Variants in SUPT3H observed in about 807,000 individuals in gnomAD.
SUPT3H encodes the protein transcription initiation protein SPT3 homolog.
In SUPT3H, 44 loss-of-function variants were observed where a neutral mutation model predicts 44.3. The observed-to-expected ratio is 0.99, with a 90% CI of 0.78 to 1.28. The LOEUF is 1.28. SUPT3H is among the 50% of genes most tolerant of loss of function. The pLI is 0.00. For missense variants in SUPT3H, 380 were observed against 387.1 expected (o/e 0.98, Z 0.15); for synonymous variants, 124 against 125.6 (o/e 0.99, Z 0.09).
At position 45,139,401 on chromosome 6, in the gene SUPT3H, G is replaced by C. The variant is rs541139622; in HGVS notation, c.102-33395C>G. Among the ~76,000 whole-genome samples the C allele has an allele frequency of 3.9e-3, 594 of 152,284 alleles. 6 individuals carry two copies. The highest frequency in any genetic ancestry group is 0.014 in the African/African-American group (566 of 41,566). Reference sequence around the variant, plus strand: ...GGCAGAGAGGAGACAGGGCTAACAAGCAGCTCCCACTTGGATAGACAGAAC... The same window carrying C: ...GGCAGAGAGGAGACAGGGCTAACAACCAGCTCCCACTTGGATAGACAGAAC... On this transcript the variant is annotated intron_variant, in intron 2 of 10. Transcript: ENST00000371459.
intron 2 of SUPT3H, among the ~76,000 whole-genome samples, chr6:45,282,931 C>A (rs1444518079): frequency 6.6e-6 from 1 of 152,214 alleles, no homozygotes; most frequent in East Asian, 1.9e-4. Flanking sequence ...GGCCAACATT[C>A]AACATTCTTA....
intron 10 of SUPT3H, among the ~76,000 whole-genome samples, chr6:44,912,870 T>C (rs1767271243): frequency 1.3e-5 from 2 of 152,200 alleles, no homozygotes; most frequent in Admixed American, 1.3e-4. Context: ...GCACCATAGA[T>C]GTTCAGTTTC....
chr6:45,186,910 G>A (rs867445773), intron 2 of SUPT3H, among the ~76,000 whole-genome samples: 7 of 151,752 alleles, frequency 4.6e-5, no homozygotes, highest in African/African-American at 1.5e-4. Flanking sequence ...ATTACCATTA[G>A]GTCATACTTT....
At chr6:45,367,546 G>A (rs780763131) in intron 1 of SUPT3H, among the ~76,000 whole-genome samples, 7 of 151,930 alleles carry the variant, frequency 4.6e-5, no homozygotes, top group East Asian at 1.9e-4. Flanking sequence ...GACAAAATGC[G>A]AAAAAAAGGA....
Position 45,365,274 on chromosome 6 carries a change from A to G in SUPT3H, c.28T>C (p.Ser10Pro), listed in dbSNP as rs144497276. The G allele has an allele frequency of 1.9e-6, 3 of 1,611,800 alleles. No individual in the cohort carries two copies. In the African/African-American group the frequency reaches 4.0e-5, roughly 22 times the overall value. Residue 10 changes from serine to proline, a missense_variant, in exon 2 of 11, where the codon TCT (serine) becomes CCT (proline). Physicochemically the swap from Ser to Pro is moderately conservative, Grantham distance 74 (BLOSUM62 -1). Coordinates refer to ENST00000371459, the MANE Select transcript of SUPT3H (RefSeq NM_003599.4). MNNTAASPM[S>P]TATSSSGRST... ...CTTCCACTACTTGAAGTTGCAGTAGACATTGGACTAGCTGCCGTATTATTC... is the reference window on the plus strand; with the variant it reads ...CTTCCACTACTTGAAGTTGCAGTAGGCATTGGACTAGCTGCCGTATTATTC...
intron 2 of SUPT3H, among the ~76,000 whole-genome samples, chr6:45,139,238 A>T (rs572278420): frequency 6.6e-6 from 1 of 152,372 alleles, no homozygotes; most frequent in African/African-American, 2.4e-5. Flanking sequence ...AATAAAAACA[A>T]AATGAAAATT....
At chr6:44,956,497 TAAAAATAAAAAAAAAAAAGTG>T (rs1775235869) in intron 7 of SUPT3H, among the ~76,000 whole-genome samples, 3 of 5,044 alleles carry the variant, frequency 5.9e-4, no homozygotes, top group Non-Finnish European at 1.2e-3. Context: ...AAAAAAAAAA[TAAAAATAAAAAAAAAAAAGTG>T]TCTATTACCA....
chr6:45,316,415 CA>C (rs10712232), intron 2 of SUPT3H, among the ~76,000 whole-genome samples: 139,593 of 148,326 alleles, frequency 0.94, 65,698 homozygotes, highest in East Asian at 0.99. Flanking sequence ...CTATAAAAAG[CA>C]AAAAAAAAAA....
chr6:44,966,784 A>G (rs1244299246), intron 6 of SUPT3H, among the ~76,000 whole-genome samples: 6 of 152,254 alleles, frequency 3.9e-5, no homozygotes, highest in African/African-American at 1.4e-4. Context: ...AAAAGACATC[A>G]TATCATTGTC....
At chr6:45,312,030 AT>A (rs1256375021) in intron 2 of SUPT3H, among the ~76,000 whole-genome samples, 1 of 152,204 alleles carries the variant, frequency 6.6e-6, no homozygotes, top group Non-Finnish European at 1.5e-5. Context: ...AACATACAGA[AT>A]TGCAGAATAG....
intron 2 of SUPT3H, among the ~76,000 whole-genome samples, chr6:45,362,044 T>C (rs1028804337): frequency 6.6e-6 from 1 of 151,992 alleles, no homozygotes; most frequent in Non-Finnish European, 1.5e-5. Flanking sequence ...CAAAGCTAGA[T>C]TCCTCTCAAA....
intron 3 of SUPT3H, among the ~76,000 whole-genome samples, chr6:45,083,184 T>TTAG (rs1796038275): frequency 6.7e-6 from 1 of 149,026 alleles, no homozygotes; most frequent in Non-Finnish European, 1.5e-5. Flanking sequence ...ATTATTATTA[T>TTAG]TATTATTATT....
chr6:44,812,813 T>C (rs1766625157), intron 11 of SUPT3H, among the ~76,000 whole-genome samples: 1 of 152,128 alleles, frequency 6.6e-6, no homozygotes. Flanking sequence ...GGTTGGAGTT[T>C]GGGGCTGCCA....
At chr6:45,236,765 T>C (rs1279455305) in intron 2 of SUPT3H, among the ~76,000 whole-genome samples, 1 of 151,982 alleles carries the variant, frequency 6.6e-6, no homozygotes, top group East Asian at 1.9e-4. Context: ...CAGGGAAATA[T>C]TATAGCTACA....
intron 10 of SUPT3H, among the ~76,000 whole-genome samples, chr6:44,891,494 CA>C (rs1763308495): frequency 1.3e-5 from 2 of 152,056 alleles, no homozygotes; most frequent in Non-Finnish European, 1.5e-5. Flanking sequence ...ATAAGCCAGA[CA>C]CAAGAGACCA....
rs186107708 is a variant in SUPT3H, at chr6:45,293,277, C to A, written c.101+71924G>T. On this transcript the variant is annotated intron_variant, in intron 2 of 10. Transcript: ENST00000371459. ...AAATCAAAATGGAATTTAAAAAATT[C>A]TTTGAACTGAATGACAATAGTGACA... 5.9e-5 allele frequency among the ~76,000 whole-genome samples: 9 copies of A among 152,244 alleles called. No individual in the cohort carries two copies. In the East Asian group the frequency reaches 7.7e-4, roughly 13 times the overall value.
chr6:45,233,413 G>GT (rs1309110143), intron 2 of SUPT3H, among the ~76,000 whole-genome samples: 1 of 152,206 alleles, frequency 6.6e-6, no homozygotes, highest in East Asian at 1.9e-4. Flanking sequence ...GTGAGCCAGC[G>GT]TGAGTACCCT....
At chr6:45,048,221 CTTTTT>C (rs67557043) in intron 3 of SUPT3H, among the ~76,000 whole-genome samples, 5 of 88,216 alleles carry the variant, frequency 5.7e-5, no homozygotes, top group African/African-American at 1.9e-4. Context: ...TCTCTCTACT[CTTTTT>C]TTTTTTTTTT....
At chr6:45,345,581 T>C (rs953180822) in intron 2 of SUPT3H, among the ~76,000 whole-genome samples, 14 of 152,144 alleles carry the variant, frequency 9.2e-5, no homozygotes, top group African/African-American at 3.4e-4. Context: ...AATTCTCTAA[T>C]CTCATAAATC....
Sources: allele counts gnomAD v4.1 joint callset (sites outside exome capture counted in the v4.1 genomes callset), GRCh38; gene constraint gnomAD v4.1.1; transcripts MANE v1.5; gene names NCBI Gene and HGNC (gene_info 2026-07-23, HGNC 2026-07-21).